The following EEFSEC variants were observed in gnomAD, a reference collection of about 807,000 sequenced individuals.
The protein encoded by EEFSEC is eukaryotic elongation factor, selenocysteine-tRNA specific.
A neutral mutation model predicts 42.1 loss-of-function variants in EEFSEC; 43 were observed. That is an observed-to-expected ratio of 1.02 (90% CI 0.80 to 1.32). The LOEUF is 1.32. EEFSEC is among the 40% of genes most tolerant of loss of function. The probability of loss-of-function intolerance (pLI) is 0.00; values close to 1 mark genes in which losing one functional copy is unlikely to be tolerated. For synonymous variants in EEFSEC, 354 were observed against 339.1 expected (o/e 1.04, Z -0.48); for missense variants, 745 against 803.6 (o/e 0.93, Z 0.88).
At chr3:128,407,987 T>G in intron 6 of EEFSEC, 82 bp from the exon 7 acceptor site, 1 of 1,329,324 alleles carries the variant, frequency 7.5e-7, no homozygotes, top group Non-Finnish European at 1.0e-6. Flanking sequence ...GAGGGGTGAG[T>G]CTAGGCAGCA....
At chr3:128,374,355 C>G (rs1311810360) in intron 6 of EEFSEC, among the ~76,000 whole-genome samples, 1 of 152,224 alleles carries the variant, frequency 6.6e-6, no homozygotes, top group Non-Finnish European at 1.5e-5. Context: ...CTCACCATCT[C>G]CTACTGGTCA....
intron 4 of EEFSEC, among the ~76,000 whole-genome samples, chr3:128,325,357 G>A (rs1313872326): frequency 6.6e-6 from 1 of 152,240 alleles, no homozygotes; most frequent in Non-Finnish European, 1.5e-5. Flanking sequence ...ACTTCAGTCA[G>A]GCCTTGCTGG....
chr3:128,260,862 A>G (rs1188898558), intron 2 of EEFSEC, among the ~76,000 whole-genome samples: 1 of 151,932 alleles, frequency 6.6e-6, no homozygotes, highest in Non-Finnish European at 1.5e-5. Flanking sequence ...CTTTGTTTCC[A>G]TGGAAGAGGG....
At chr3:128,254,117 G>A (rs987669406) in intron 2 of EEFSEC, among the ~76,000 whole-genome samples, 1 of 152,304 alleles carries the variant, frequency 6.6e-6, no homozygotes, top group South Asian at 2.1e-4. Context: ...GGATGATGGC[G>A]AAGGTGAGCT....
At chr3:128,245,288 G>T (rs1324233747) in intron 1 of EEFSEC, among the ~76,000 whole-genome samples, 1 of 152,218 alleles carries the variant, frequency 6.6e-6, no homozygotes, top group Non-Finnish European at 1.5e-5. Flanking sequence ...TAATTCAGTA[G>T]CTATGAGAGG....
chr3:128,265,200 CT>C (rs2066341779), intron 4 of EEFSEC, among the ~76,000 whole-genome samples: 1 of 152,106 alleles, frequency 6.6e-6, no homozygotes, highest in Admixed American at 6.5e-5. Context: ...TTCTGGGTAC[CT>C]TTTTCTTAAC....
At chr3:128,315,049 C>A (rs2066929815) in intron 4 of EEFSEC, among the ~76,000 whole-genome samples, 2 of 152,326 alleles carry the variant, frequency 1.3e-5, no homozygotes, top group Admixed American at 1.3e-4. Flanking sequence ...CAGGAGCCCA[C>A]ACTTACATCA....
intron 4 of EEFSEC, among the ~76,000 whole-genome samples, chr3:128,296,598 G>T (rs997901377): frequency 3.3e-5 from 5 of 152,138 alleles, no homozygotes; most frequent in African/African-American, 9.7e-5. Context: ...CCGCACAGGG[G>T]TATATCCATG....
chr3:128,208,791 G>A (rs1392895740), intron 1 of EEFSEC, among the ~76,000 whole-genome samples: 1 of 152,184 alleles, frequency 6.6e-6, no homozygotes, highest in African/African-American at 2.4e-5. Flanking sequence ...TGAGAACTGC[G>A]ACAATTCAGG....
Position 128,233,774 on chromosome 3 carries a change from T to G in EEFSEC, c.317-13062T>G, listed in dbSNP as rs566046031. ...CTTAGTATCATGGTACAAGTTCTCC[T>G]GTTGAGTTGGAGGTTTGGGTTCTAA... On this transcript the variant is annotated intron_variant, in intron 1 of 6. Coordinates refer to ENST00000254730, the MANE Select transcript of EEFSEC (RefSeq NM_021937.5). 5.9e-5 allele frequency among the ~76,000 whole-genome samples: 9 copies of G among 152,302 alleles called. 1 individual carries two copies. In the South Asian group the frequency reaches 1.9e-3, roughly 32 times the overall value.
At chr3:128,273,594 G>A (rs915020683) in intron 4 of EEFSEC, among the ~76,000 whole-genome samples, 4 of 152,222 alleles carry the variant, frequency 2.6e-5, no homozygotes, top group Non-Finnish European at 4.4e-5. Context: ...TTCCAGAAGC[G>A]GATGACTGGC....
chr3:128,391,062 C>T (rs2107623971), intron 6 of EEFSEC, among the ~76,000 whole-genome samples: 1 of 152,360 alleles, frequency 6.6e-6, no homozygotes, highest in Admixed American at 6.5e-5. Flanking sequence ...GTTGGCATCG[C>T]CTGTCTCCCA....
At chr3:128,185,173 T>C (rs1238297999) in intron 1 of EEFSEC, among the ~76,000 whole-genome samples, 2 of 152,158 alleles carry the variant, frequency 1.3e-5, no homozygotes, top group Non-Finnish European at 2.9e-5. Context: ...ATTTTTCCCA[T>C]TTAGTGTGAA....
At chr3:128,319,752 G>A (rs1287335802) in intron 4 of EEFSEC, among the ~76,000 whole-genome samples, 1 of 152,220 alleles carries the variant, frequency 6.6e-6, no homozygotes, top group East Asian at 1.9e-4. Context: ...ACCATGTTCT[G>A]TTTATGTGGC....
intron 4 of EEFSEC, among the ~76,000 whole-genome samples, chr3:128,275,189 T>C (rs1285185566): frequency 6.6e-6 from 1 of 152,070 alleles, no homozygotes; most frequent in East Asian, 1.9e-4. Context: ...TCCTGGGAAA[T>C]GGGTGCCCAG....
intron 4 of EEFSEC, among the ~76,000 whole-genome samples, chr3:128,297,330 G>A (rs2066717775): frequency 6.6e-6 from 1 of 152,098 alleles, no homozygotes; most frequent in African/African-American, 2.4e-5. Context: ...GATAACTTTC[G>A]GAGAACTGGC....
chr3:128,153,982 C>G lies in EEFSEC; in HGVS notation c.316+159C>G, dbSNP rs541928072. On this transcript the variant is annotated intron_variant, in intron 1 of 6. Coordinates refer to ENST00000254730, the MANE Select transcript of EEFSEC (RefSeq NM_021937.5). ...AGAGGCGGACGTGACTTGCCTAGGG[C>G]TCCGCAGCAAGTGAGCGGAGGCTTT... 27 of 1,095,028 alleles carry G rather than the reference C, an allele frequency of 2.5e-5. No homozygotes were observed. In the African/African-American group the frequency reaches 4.4e-4, roughly 18 times the overall value. 67.8% of individuals were successfully genotyped at this position (1,095,028 alleles called of 1,614,324 possible).
At chr3:128,352,540 C>G (rs1009632426) in intron 5 of EEFSEC, among the ~76,000 whole-genome samples, 12 of 152,240 alleles carry the variant, frequency 7.9e-5, no homozygotes, top group African/African-American at 2.9e-4. Flanking sequence ...GCGCAACCCT[C>G]TGTCTGGTTC....
intron 6 of EEFSEC, among the ~76,000 whole-genome samples, chr3:128,368,567 A>G (rs1161155177): frequency 1.3e-5 from 2 of 152,358 alleles, no homozygotes; most frequent in East Asian, 1.9e-4. Flanking sequence ...CGCATGTTAA[A>G]ATCACTCCCT....
Sources: allele counts gnomAD v4.1 joint callset (sites outside exome capture counted in the v4.1 genomes callset), GRCh38; gene constraint gnomAD v4.1.1; transcripts MANE v1.5; gene names NCBI Gene and HGNC (gene_info 2026-07-23, HGNC 2026-07-21).